PEX16: variants seen among roughly 807,000 people sequenced by gnomAD.
PEX16 encodes peroxisomal biogenesis factor 16, also known as peroxin 16.
PEX16 carries 37 observed loss-of-function variants against 50.5 expected under a neutral mutation model. That is an observed-to-expected ratio of 0.73 (90% confidence interval 0.56 to 0.96). The LOEUF (loss-of-function observed/expected upper bound fraction) is 0.96. Among genes scored for constraint, PEX16 ranks in the 40% least tolerant of loss-of-function variants. PEX16 has a pLI of 0.00. For synonymous variants in PEX16, 185 were observed against 190.3 expected (o/e 0.97, Z 0.23); for missense variants, 401 against 438.3 (o/e 0.91, Z 0.76).
chr11:45,914,039 G>C, intron 8 of PEX16, 92 bp downstream of exon 8: 1 of 1,576,076 alleles, frequency 6.3e-7, no homozygotes, highest in East Asian at 2.3e-5. Flanking sequence ...GCAACAGGAG[G>C]AGCAGGGGCC....
intron 2 of PEX16, chr11:45,917,172 A>T (rs2086845559): frequency 1.5e-6 from 1 of 687,916 alleles, no homozygotes; most frequent in South Asian, 1.5e-5. Flanking sequence ...AATAAGTACC[A>T]CTTAATATGA....
At chr11:45,914,719 G>A (rs1565081321) in intron 5 of PEX16, 35 bp from the exon 6 acceptor site, 2 of 1,565,026 alleles carry the variant, frequency 1.3e-6, no homozygotes, top group Non-Finnish European at 8.8e-7. Context: ...TACAGTCAGA[G>A]GGACATGCTT....
rs768859616 is a variant in PEX16, at chr11:45,914,404, ATGC to A, written c.603_605del (p.Gln201del). The A allele has an allele frequency of 1.2e-6, 2 of 1,609,536 alleles. No individual in the cohort carries two copies. The highest frequency in any genetic ancestry group is 2.2e-5 in the East Asian group (1 of 44,872). On this transcript the variant is annotated inframe_deletion, in exon 7 of 11. Coordinates refer to ENST00000378750, the MANE Select transcript of PEX16 (RefSeq NM_004813.4). ...TGGGGGTCGCACTCAGCTCCTCGTG[ATGC>A]TGCTGCTGCCGTCCCTCCCGCTGCT...
chr11:45,912,584 A>G (rs1271875244), intron 9 of PEX16, among the ~76,000 whole-genome samples: 1 of 151,786 alleles, frequency 6.6e-6, no homozygotes, highest in African/African-American at 2.4e-5. Flanking sequence ...ACTCACTGCA[A>G]CCTCTGCCTC....
intron 9 of PEX16, 110 bp downstream of exon 9, chr11:45,913,709 C>T (rs555585346): frequency 6.2e-6 from 8 of 1,292,840 alleles, no homozygotes; most frequent in African/African-American, 2.9e-5. Flanking sequence ...ACACACAGTG[C>T]TTGGTGAACC....
intron 1 of PEX16, 92 bp from the exon 2 acceptor site, chr11:45,917,585 AACCTGGAC>A: frequency 6.5e-7 from 1 of 1,540,018 alleles, no homozygotes; most frequent in Non-Finnish European, 8.9e-7. Context: ...GCCCTTTGGG[AACCTGGAC>A]GGGTCTTCTC....
chr11:45,911,009 G>A (rs1219774180), intron 9 of PEX16, 47 bp from the exon 10 acceptor site: 1 of 1,364,278 alleles, frequency 7.3e-7, no homozygotes, highest in Non-Finnish European at 1.0e-6. Context: ...GGTGGGGGTG[G>A]GTCCCTGCAA....
At chr11:45,912,295 G>A (rs936818148) in intron 9 of PEX16, among the ~76,000 whole-genome samples, 20 of 152,100 alleles carry the variant, frequency 1.3e-4, no homozygotes, top group African/African-American at 4.1e-4. Flanking sequence ...TCAGGAGATC[G>A]AGACCATCCT....
chr11:45,917,027 G>C (rs2086843330), intron 2 of PEX16: 2 of 481,410 alleles, frequency 4.2e-6, no homozygotes, highest in East Asian at 1.3e-4. Flanking sequence ...GCAGTCACTG[G>C]GCAAACACTC....
At chr11:45,911,059 AT>A (rs2086773784) in intron 9 of PEX16, 97 bp from the exon 10 acceptor site, 1 of 831,580 alleles carries the variant, frequency 1.2e-6, no homozygotes, top group Admixed American at 1.8e-5. Flanking sequence ...ACCGTGCCGA[AT>A]GCAGCGCATT....
chr11:45,914,224 G>T, intron 7 of PEX16, 21 bp from the exon 8 acceptor site: 1 of 1,613,574 alleles, frequency 6.2e-7, no homozygotes. Context: ...AGGCGTCAAG[G>T]ATGTCTCCAG....
intron 5 of PEX16, 113 bp downstream of exon 5, chr11:45,915,355 T>C (rs1030425546): frequency 1.3e-6 from 1 of 761,062 alleles, no homozygotes; most frequent in Non-Finnish European, 2.3e-6. Context: ...ACATAGTTGA[T>C]AGGGACAGGC....
At chr11:45,916,563 C>T (rs2086838374) in intron 2 of PEX16, among the ~76,000 whole-genome samples, 1 of 152,238 alleles carries the variant, frequency 6.6e-6, no homozygotes, top group Non-Finnish European at 1.5e-5. Context: ...CACTGGTCAT[C>T]CAGCTGCCCA....
At position 45,910,390 on chromosome 11, in the gene PEX16, T is replaced by C. The variant is rs954917222; in HGVS notation, c.953-78A>G. 1.1e-5 allele frequency: 14 copies of C among 1,234,472 alleles called. No individual in the cohort carries two copies. The Admixed American group carries it at 1.2e-4, about 11-fold the overall frequency. 76.5% of individuals were successfully genotyped at this position (1,234,472 alleles called of 1,614,324 possible). A position where few individuals can be genotyped will look rare whatever the true frequency, so the allele number is the denominator to read the frequency against. Reference sequence around the variant, plus strand: ...GGCGCCACATACAGCACCTCACCCCTGCGGCCCAGGAGCCAGCCCAGCTGG... The same window carrying C: ...GGCGCCACATACAGCACCTCACCCCCGCGGCCCAGGAGCCAGCCCAGCTGG... On this transcript the variant is annotated intron_variant, in intron 10 of 10. Transcript: ENST00000378750.
chr11:45,916,823 C>A (rs1590797491), intron 2 of PEX16, among the ~76,000 whole-genome samples: 1 of 152,336 alleles, frequency 6.6e-6, no homozygotes, highest in East Asian at 1.9e-4. Flanking sequence ...GCACCTGCTA[C>A]CATGCCCAGC....
intron 5 of PEX16, 100 bp downstream of exon 5, chr11:45,915,368 G>C: frequency 1.2e-6 from 1 of 852,728 alleles, no homozygotes; most frequent in Admixed American, 1.8e-5. Context: ...GGACAGGCGT[G>C]CTCCATAAAC....
chr11:45,911,256 G>T, intron 9 of PEX16, among the ~76,000 whole-genome samples: 1 of 152,174 alleles, frequency 6.6e-6, no homozygotes, highest in East Asian at 1.9e-4. Context: ...GCCTCTAGAG[G>T]GTCGCATGTG....
chr11:45,912,487 A>G (rs969365619), intron 9 of PEX16, among the ~76,000 whole-genome samples: 1 of 152,034 alleles, frequency 6.6e-6, no homozygotes, highest in Non-Finnish European at 1.5e-5. Context: ...CAGGCAACAG[A>G]GCCAGACTCC....
In PEX16 at chr11:45,910,102, G is replaced by A. The variant is rs2086759766; in HGVS notation, c.*152C>T. 6.2e-7 allele frequency: 1 copy of A among 1,611,468 alleles called. No individual in the cohort carries two copies. The highest frequency in any genetic ancestry group is 1.3e-5 in the African/African-American group (1 of 74,996). On this transcript the variant is annotated 3_prime_UTR_variant, in exon 11 of 11. Coordinates refer to ENST00000378750, the MANE Select transcript of PEX16 (RefSeq NM_004813.4). ...AGGAGAGCGCAGTCAAGGGTGTCCT[G>A]GGAGGAACGCTGGTGGCGACCAGGG...
Sources: allele counts gnomAD v4.1 joint callset (sites outside exome capture counted in the v4.1 genomes callset), GRCh38; gene constraint gnomAD v4.1.1; transcripts MANE v1.5; gene names NCBI Gene and HGNC (gene_info 2026-07-23, HGNC 2026-07-21).